Variants in MTCL1 observed in about 807,000 individuals in gnomAD.
The protein encoded by MTCL1 is microtubule crosslinking factor 1, also known as microtubule cross-linking factor 1.
MTCL1 carries 79 observed loss-of-function variants against 141.4 expected under a neutral mutation model. The ratio of observed to expected loss-of-function variants is 0.56; its 90% CI spans 0.47 to 0.67. MTCL1 has a LOEUF of 0.67. Ranked by LOEUF, MTCL1 falls within the 30% of genes least tolerant of loss-of-function variation. The probability of loss-of-function intolerance (pLI) is 0.00; values close to 1 mark genes in which losing one functional copy is unlikely to be tolerated. For synonymous variants in MTCL1, 914 were observed against 875.8 expected (o/e 1.04, Z -0.77); for missense variants, 2,177 against 2,113.9 (o/e 1.03, Z -0.59).
intron 4 of MTCL1, among the ~76,000 whole-genome samples, chr18:8,772,581 ATGTTATATATTATTATGTTATATATATG>A (rs1342483006): frequency 6.6e-6 from 1 of 150,908 alleles, no homozygotes; most frequent in Non-Finnish European, 1.5e-5. Flanking sequence ...ATATGTATAT[ATGTTATATATTATTATGTTATATATATG>A]TGTTATATAT....
intron 4 of MTCL1, among the ~76,000 whole-genome samples, chr18:8,737,178 A>G (rs2096278682): frequency 6.6e-6 from 1 of 152,210 alleles, no homozygotes; most frequent in Admixed American, 6.5e-5. Context: ...ATTCACACAC[A>G]GGACGCTGGC....
chr18:8,720,308 C>T, intron 3 of MTCL1, 30 bp from the exon 3 acceptor site: 2 of 1,612,108 alleles, frequency 1.2e-6, no homozygotes, highest in East Asian at 4.5e-5. Flanking sequence ...AGCCTCATAT[C>T]CTGATAATGA....
At chr18:8,795,754 G>A (rs975564763) in intron 8 of MTCL1, among the ~76,000 whole-genome samples, 1 of 152,152 alleles carries the variant, frequency 6.6e-6, no homozygotes, top group Non-Finnish European at 1.5e-5. Flanking sequence ...CCACCAGCTG[G>A]GGTTCTCTTC....
chr18:8,712,739 C>A (rs998332135), upstream of MTCL1, among the ~76,000 whole-genome samples: 10 of 152,186 alleles, frequency 6.6e-5, no homozygotes, highest in African/African-American at 2.4e-4. Flanking sequence ...TCCTTAGTTA[C>A]AGCTGGGACT....
intron 11 of MTCL1, among the ~76,000 whole-genome samples, chr18:8,808,238 A>T (rs2076368186): frequency 6.6e-6 from 1 of 152,226 alleles, no homozygotes; most frequent in African/African-American, 2.4e-5. Flanking sequence ...GGCCTGCAGC[A>T]TCAGCAGCGG....
In MTCL1 at chr18:8,726,397, C is replaced by A. The variant is rs887729919; in HGVS notation, c.357+5901C>A. 2.7e-5 allele frequency among the ~76,000 whole-genome samples: 4 copies of A among 148,576 alleles called. No individual in the cohort carries two copies. The Admixed American group carries it at 2.7e-4, about 10-fold the overall frequency. ...AGTCAATTTGGTTCCTGGCGAGAGC[C>A]CTCTTCCCTGCTTACAGATAGCTGC... On this transcript the variant is annotated intron_variant, in intron 4 of 16. Transcript: ENST00000359865.
At chr18:8,806,682 C>G (rs766262712) in intron 10 of MTCL1, among the ~76,000 whole-genome samples, 1 of 152,158 alleles carries the variant, frequency 6.6e-6, no homozygotes, top group Non-Finnish European at 1.5e-5. Flanking sequence ...CAAACAGGCC[C>G]TCAGTCTCAG....
At chr18:8,756,499 A>G (rs2096401632) in intron 4 of MTCL1, among the ~76,000 whole-genome samples, 2 of 149,634 alleles carry the variant, frequency 1.3e-5, no homozygotes, top group South Asian at 4.2e-4. Context: ...ATATGTATAT[A>G]TGTGTGTATA....
chr18:8,706,457 C>A (rs2096058661), exon 1 of MTCL1: 1 of 1,256,346 alleles, frequency 8.0e-7, no homozygotes, highest in East Asian at 3.2e-5. Context: ...AGCCCCGAGC[C>A]CCCAGCGCTC....
At chr18:8,725,967 A>G (rs961122284) in intron 4 of MTCL1, among the ~76,000 whole-genome samples, 3 of 151,230 alleles carry the variant, frequency 2.0e-5, no homozygotes, top group African/African-American at 7.3e-5. Flanking sequence ...TTTTTTTTGC[A>G]TATTTAGTAG....
At chr18:8,768,101 A>C (rs1401689448) in intron 4 of MTCL1, among the ~76,000 whole-genome samples, 2 of 152,160 alleles carry the variant, frequency 1.3e-5, no homozygotes, top group Non-Finnish European at 2.9e-5. Context: ...TTATTTTGAA[A>C]ATTTTCAAAC....
In MTCL1 at chr18:8,825,787, GCT is replaced by G; in HGVS notation, c.4279_4280del (p.Ser1427HisfsTer13). Reference sequence around the variant, plus strand: ...GGGTACAGTGAGTCAGCCTGGGCCCGCTCCACCACCACAAGGGAGAGCCCCGT... The same window carrying G: ...GGGTACAGTGAGTCAGCCTGGGCCCGCCACCACCACAAGGGAGAGCCCCGT... On this transcript the variant is annotated frameshift_variant, in exon 15 of 17. Transcript: ENST00000359865. LOFTEE classifies it high-confidence loss of function. 6.2e-7 allele frequency: 1 copy of G among 1,614,100 alleles called. No individual in the cohort carries two copies. Among genetic ancestry groups the G allele is most frequent in the Non-Finnish European group, 8.5e-7 (1 of 1,179,990 alleles).
chr18:8,718,527 C>CT lies in MTCL1; in HGVS notation c.78dup (p.Asn27Ter). On this transcript the variant is annotated frameshift_variant, in exon 3 of 17. Coordinates refer to ENST00000359865, the Ensembl canonical transcript of MTCL1. LOFTEE classifies it high-confidence loss of function. ...GAACTTCGGCGAGAACTGGACCGCGCTAATAAAAACTGCCGAATCCTGCAG... is the reference window on the plus strand; with the variant it reads ...GAACTTCGGCGAGAACTGGACCGCGCTTAATAAAAACTGCCGAATCCTGCAG... 1 of 1,614,174 alleles carries CT rather than the reference C, an allele frequency of 6.2e-7. No homozygotes were observed. Among genetic ancestry groups the CT allele is most frequent in the Non-Finnish European group, 8.5e-7 (1 of 1,180,032 alleles).
At chr18:8,737,838 C>T (rs1182699126) in intron 4 of MTCL1, among the ~76,000 whole-genome samples, 1 of 152,070 alleles carries the variant, frequency 6.6e-6, no homozygotes, top group African/African-American at 2.4e-5. Flanking sequence ...CCCATCTGAC[C>T]CATGACTCCA....
chr18:8,812,097 CTG>C (rs10578288), intron 11 of MTCL1, among the ~76,000 whole-genome samples: 53,739 of 151,924 alleles, frequency 0.35, 9,808 homozygotes, highest in East Asian at 0.55. Flanking sequence ...ACACAACACA[CTG>C]TAACAATTTT....
intron 4 of MTCL1, among the ~76,000 whole-genome samples, chr18:8,766,463 C>T (rs973826055): frequency 2.6e-5 from 4 of 152,156 alleles, no homozygotes; most frequent in Non-Finnish European, 4.4e-5. Flanking sequence ...GACTTGCAGA[C>T]GATAGCTTTA....
chr18:8,733,740 A>G (rs1324708446), intron 4 of MTCL1, among the ~76,000 whole-genome samples: 1 of 152,144 alleles, frequency 6.6e-6, no homozygotes, highest in Non-Finnish European at 1.5e-5. Flanking sequence ...AACCTCAAGC[A>G]TTGGCACTGA....
At chr18:8,799,831 G>A (rs1464335873) in intron 10 of MTCL1, among the ~76,000 whole-genome samples, 1 of 152,230 alleles carries the variant, frequency 6.6e-6, no homozygotes, top group Non-Finnish European at 1.5e-5. Context: ...GGAAAATAAC[G>A]TGAAGTCACT....
intron 10 of MTCL1, among the ~76,000 whole-genome samples, chr18:8,803,022 G>A (rs1200968191): frequency 6.6e-6 from 1 of 152,096 alleles, no homozygotes; most frequent in African/African-American, 2.4e-5. Flanking sequence ...CCCAGCAAGG[G>A]GTACCACCAG....
Sources: allele counts gnomAD v4.1 joint callset (sites outside exome capture counted in the v4.1 genomes callset), GRCh38; gene constraint gnomAD v4.1.1; transcripts MANE v1.5; gene names NCBI Gene and HGNC (gene_info 2026-07-23, HGNC 2026-07-21).